The following TANK variants were observed in gnomAD, a reference collection of about 807,000 sequenced individuals.
TANK encodes TRAF family member associated NFKB activator, also known as TRAF family member-associated NF-kappa-B activator.
In TANK, 15 loss-of-function variants were observed where a neutral mutation model predicts 43.6. The ratio of observed to expected loss-of-function variants is 0.34; its 90% confidence interval spans 0.23 to 0.53. TANK has a LOEUF of 0.53. Ranked by LOEUF, TANK falls within the 20% of genes least tolerant of loss-of-function variation. The pLI is 0.94. For synonymous variants in TANK, 162 were observed against 178.2 expected (o/e 0.91, Z 0.73); for missense variants, 417 against 498.6 (o/e 0.84, Z 1.56).
At chr2:161,201,037 A>C in intron 2 of TANK, 1 of 921,180 alleles carries the variant, frequency 1.1e-6, no homozygotes, top group South Asian at 5.0e-5. Flanking sequence ...GAGGGAAATC[A>C]GACATTAGAC....
chr2:161,204,582 T>C, intron 3 of TANK, 93 bp from the exon 4 acceptor site: 1 of 1,150,872 alleles, frequency 8.7e-7, no homozygotes, highest in South Asian at 1.4e-5. Context: ...TGTATTCTCT[T>C]TATGGTTTTG....
intron 1 of TANK, among the ~76,000 whole-genome samples, chr2:161,164,676 T>C (rs527940659): frequency 6.6e-6 from 1 of 152,356 alleles, no homozygotes; most frequent in African/African-American, 2.4e-5. Context: ...TTGGGACTTA[T>C]GTAGTACATG....
At chr2:161,195,363 A>G (rs1234909072) in intron 2 of TANK, among the ~76,000 whole-genome samples, 1 of 152,194 alleles carries the variant, frequency 6.6e-6, no homozygotes, top group Non-Finnish European at 1.5e-5. Context: ...AGAAAGGTAA[A>G]TTGCTATTAG....
At chr2:161,211,061 T>A (rs1165209999) in intron 4 of TANK, among the ~76,000 whole-genome samples, 2 of 152,224 alleles carry the variant, frequency 1.3e-5, no homozygotes, top group Admixed American at 1.3e-4. Flanking sequence ...GTTGACATAA[T>A]CATGGCTTCA....
intron 1 of TANK, 179 bp downstream of exon 1, chr2:161,160,665 C>T (rs1684377209): frequency 2.1e-6 from 1 of 482,398 alleles, no homozygotes; most frequent in African/African-American, 2.0e-5. Context: ...GGAGAAACCA[C>T]GCGAGTCCTT....
intron 4 of TANK, among the ~76,000 whole-genome samples, chr2:161,213,485 C>A (rs1686982519): frequency 6.6e-6 from 1 of 151,812 alleles, no homozygotes; most frequent in African/African-American, 2.4e-5. Flanking sequence ...TGCTTGTAAT[C>A]CCAGCTACTC....
intron 4 of TANK, among the ~76,000 whole-genome samples, chr2:161,216,028 A>G (rs1391211187): frequency 2.0e-5 from 3 of 152,190 alleles, no homozygotes; most frequent in African/African-American, 7.2e-5. Flanking sequence ...TTTGGAAACA[A>G]ATAATTCTAA....
At chr2:161,173,580 G>A (rs890007094) in intron 1 of TANK, among the ~76,000 whole-genome samples, 3 of 151,780 alleles carry the variant, frequency 2.0e-5, no homozygotes, top group African/African-American at 7.3e-5. Flanking sequence ...CATTGGTTGA[G>A]GTCTACAAAT....
chr2:161,227,819 C>T lies in TANK; in HGVS notation c.520+3073C>T, dbSNP rs190596702. 1.3e-3 allele frequency among the ~76,000 whole-genome samples: 195 copies of T among 152,274 alleles called. 2 individuals carry two copies. The highest frequency in any genetic ancestry group is 4.5e-3 in the Admixed American group (69 of 15,302). On this transcript the variant is annotated intron_variant, in intron 6 of 7. Transcript: ENST00000392749. ...GTCATCTACAAAGACAGTACTGTTT[C>T]CTAGACTTTCCTACCACTTTCAAGT...
rs1299234139 is a variant in TANK at position 161,232,263 on chromosome 2, T to G, written c.1101+712T>G. 2.0e-5 allele frequency among the ~76,000 whole-genome samples: 3 copies of G among 152,216 alleles called. No individual in the cohort carries two copies. The East Asian group carries it at 5.8e-4, about 29-fold the overall frequency. Reference sequence around the variant, plus strand: ...TGATTCTTTTAGTTAAAAAAAAGTTTAATGTCTGAAAGCAAATGAAAACTA... The same window carrying G: ...TGATTCTTTTAGTTAAAAAAAAGTTGAATGTCTGAAAGCAAATGAAAACTA... On this transcript the variant is annotated intron_variant, in intron 7 of 7. Transcript: ENST00000392749.
At chr2:161,179,576 A>G (rs776237365) in intron 1 of TANK, 38 bp from the exon 2 acceptor site, 4 of 1,546,102 alleles carry the variant, frequency 2.6e-6, no homozygotes, top group Non-Finnish European at 2.6e-6. Flanking sequence ...GGTTTATGTA[A>G]CTTAGTAATT....
intron 1 of TANK, among the ~76,000 whole-genome samples, chr2:161,177,585 A>G (rs1685224650): frequency 6.6e-6 from 1 of 152,138 alleles, no homozygotes; most frequent in Non-Finnish European, 1.5e-5. Flanking sequence ...ACTTAAAAAG[A>G]AACAATTGAA....
chr2:161,228,600 TTTTG>T (rs1446857579), intron 6 of TANK, among the ~76,000 whole-genome samples: 1 of 152,088 alleles, frequency 6.6e-6, no homozygotes, highest in East Asian at 1.9e-4. Flanking sequence ...TTGTAGCACA[TTTTG>T]TTTTTTTTGT....
At chr2:161,222,524 C>G (rs1687399658) in intron 4 of TANK, among the ~76,000 whole-genome samples, 1 of 151,964 alleles carries the variant, frequency 6.6e-6, no homozygotes, top group Admixed American at 6.6e-5. Context: ...TAAAATGTTG[C>G]CTTTCTTCCT....
chr2:161,207,354 TA>T (rs1400391704), intron 4 of TANK: 1 of 952,650 alleles, frequency 1.0e-6, no homozygotes, highest in East Asian at 1.2e-4. Context: ...TCTTTACTAA[TA>T]GGGGAAAGGT....
At chr2:161,209,122 G>A (rs1034691128) in intron 4 of TANK, among the ~76,000 whole-genome samples, 2 of 151,860 alleles carry the variant, frequency 1.3e-5, no homozygotes, top group Non-Finnish European at 2.9e-5. Flanking sequence ...AATCCTAAAG[G>A]GAAAAAATAT....
intron 1 of TANK, chr2:161,139,812 C>A (rs1683689320): frequency 1.0e-6 from 1 of 985,412 alleles, no homozygotes; most frequent in Non-Finnish European, 1.2e-6. Flanking sequence ...ATAAACAAAG[C>A]AGCTATTCCT....
intron 3 of TANK, among the ~76,000 whole-genome samples, chr2:161,204,025 A>G (rs1329809335): frequency 6.6e-6 from 1 of 152,294 alleles, no homozygotes; most frequent in African/African-American, 2.4e-5. Context: ...ACACTGATCT[A>G]TATGAATAGC....
At chr2:161,175,347 A>G (rs944289148) in intron 1 of TANK, among the ~76,000 whole-genome samples, 3 of 152,208 alleles carry the variant, frequency 2.0e-5, no homozygotes, top group Non-Finnish European at 4.4e-5. Context: ...ACACAGCTTT[A>G]TAGCTATAGA....
Sources: allele counts gnomAD v4.1 joint callset (sites outside exome capture counted in the v4.1 genomes callset), GRCh38; gene constraint gnomAD v4.1.1; transcripts MANE v1.5; gene names NCBI Gene and HGNC (gene_info 2026-07-23, HGNC 2026-07-21).